Variants in OXNAD1 observed in about 807,000 individuals in gnomAD.
OXNAD1 encodes oxidoreductase NAD-binding domain-containing protein 1.
A neutral mutation model predicts 32.9 loss-of-function variants in OXNAD1; 34 were observed. That is an observed-to-expected ratio of 1.03 (90% CI 0.79 to 1.38). The LOEUF (loss-of-function observed/expected upper bound fraction) is 1.38, where lower values mean the gene tolerates loss of function less well. OXNAD1 is among the 40% of genes most tolerant of loss of function. OXNAD1 has a pLI of 0.00. For missense variants in OXNAD1, 407 were observed against 379.4 expected (o/e 1.07, Z -0.60); for synonymous variants, 134 against 135.2 (o/e 0.99, Z 0.06).
rs2066182014 is a variant in OXNAD1 at position 16,287,956 on chromosome 3, G to C, written c.290+1508G>C. Among the ~76,000 whole-genome samples the C allele has an allele frequency of 6.6e-6, 1 of 152,198 alleles. No homozygotes were observed. Among genetic ancestry groups the C allele is most frequent in the South Asian group, 2.1e-4 (1 of 4,832 alleles). On this transcript the variant is annotated intron_variant, in intron 5 of 8. Transcript: ENST00000285083. The surrounding 1 kb of genome is among the most constrained non-coding windows in gnomAD (Gnocchi z 4.8). Reference sequence around the variant, plus strand: ...CTTCTTCGGAGGTCGGACTTGGCGGGTAAGGATCACTGGCTGGTAGTGTGT... The same window carrying C: ...CTTCTTCGGAGGTCGGACTTGGCGGCTAAGGATCACTGGCTGGTAGTGTGT...
intron 9 of OXNAD1, chr3:16,347,480 A>C (rs1193019693): frequency 6.6e-6 from 1 of 152,240 alleles, no homozygotes; most frequent in South Asian, 2.1e-4. Flanking sequence ...TTCCAGCACT[A>C]GTGGCTGCTG....
intron 4 of OXNAD1, among the ~76,000 whole-genome samples, chr3:16,276,925 C>CTTT (rs201229589): frequency 7.5e-6 from 1 of 133,888 alleles, no homozygotes. Context: ...TTCTTTCTTT[C>CTTT]TTTTTTTTTT....
At position 16,329,869 on chromosome 3, in the gene OXNAD1, T is replaced by C. The variant is rs1034635407; in HGVS notation, c.*31-7243T>C. On this transcript the variant is annotated intron_variant, in intron 9 of 9. Transcript: ENST00000435829. This position sits in a 1 kb window ranked among gnomAD's most constrained non-coding sequence, Gnocchi z 4.5. ...CCCTGAGTGGCAGAATGGAGTCCTT[T>C]TATTGGTGGCTGCATCTCGGGCCAG... 6.6e-6 allele frequency among the ~76,000 whole-genome samples: 1 copy of C among 152,128 alleles called. No individual in the cohort carries two copies. Among genetic ancestry groups the C allele is most frequent in the Non-Finnish European group, 1.5e-5 (1 of 68,012 alleles).
chr3:16,266,516 T>C (rs1471357126), intron 1 of OXNAD1, among the ~76,000 whole-genome samples: 1 of 145,054 alleles, frequency 6.9e-6, no homozygotes, highest in East Asian at 2.0e-4. Context: ...GGCAGGAGAA[T>C]CTCTTGAACC....
rs2066370245 is a variant in OXNAD1, at chr3:16,290,660, A to G, written c.291-4196A>G. The stretch of plus-strand genomic sequence containing the variant: ...TAGTCTTTTAAATTTTTATCTTGTC[A>G]GAAATGAAAAGAAAGTTAAAGTACT... On this transcript the variant is annotated intron_variant, in intron 5 of 8. Transcript: ENST00000285083. This position sits in a 1 kb window ranked among gnomAD's most constrained non-coding sequence, Gnocchi z 4.2. Among the ~76,000 whole-genome samples, 1 of 152,236 alleles carries G rather than the reference A, an allele frequency of 6.6e-6. No homozygotes were observed. The highest frequency in any genetic ancestry group is 1.5e-5 in the Non-Finnish European group (1 of 68,044).
At chr3:16,323,997 G>A (rs2069385070) in intron 9 of OXNAD1, among the ~76,000 whole-genome samples, 1 of 152,186 alleles carries the variant, frequency 6.6e-6, no homozygotes, top group Admixed American at 6.5e-5. Context: ...GCTCACATGC[G>A]AGGGAGGGGC....
chr3:16,302,822 T>C lies in OXNAD1; in HGVS notation c.784+74T>C, dbSNP rs2125099173. 1 of 1,128,020 alleles carries C rather than the reference T, an allele frequency of 8.9e-7. No individual in the cohort carries two copies. The highest frequency in any genetic ancestry group is 1.3e-6 in the Non-Finnish European group (1 of 767,230). 69.9% of individuals were successfully genotyped at this position (1,128,020 alleles called of 1,614,324 possible). ...GACACACCAGTTGGTTGAGCGTAGA[T>C]GCTTTATTGTTGGAAGCTGCTGGCT... On this transcript the variant is annotated intron_variant, in intron 8 of 8. Transcript: ENST00000285083. This position sits in a 1 kb window ranked among gnomAD's most constrained non-coding sequence, Gnocchi z 4.2.
chr3:16,316,718 C>G lies in OXNAD1; in HGVS notation c.*30+13126C>G. 1 of 1,363,466 alleles carries G rather than the reference C, an allele frequency of 7.3e-7. No individual in the cohort carries two copies. The highest frequency in any genetic ancestry group is 1.0e-6 in the Non-Finnish European group (1 of 967,220). 84.5% of individuals were successfully genotyped at this position (1,363,466 alleles called of 1,614,324 possible). ...GCTCACAAGGAGAGGTCAAGCCAAG[C>G]CAAAGGGTAGGTAACACACAACACC... is the stretch of plus-strand genomic sequence containing the variant. On this transcript the variant is annotated intron_variant, in intron 9 of 9. Transcript: ENST00000435829. The surrounding 1 kb of genome is among the most constrained non-coding windows in gnomAD (Gnocchi z 4.5).
At chr3:16,350,651 A>G (rs2125317735), downstream of OXNAD1, among the ~76,000 whole-genome samples, 1 of 152,210 alleles carries the variant, frequency 6.6e-6, no homozygotes, top group East Asian at 1.9e-4. Context: ...CTTCCTCGTT[A>G]CTCACCTGTG....
intron 9 of OXNAD1, among the ~76,000 whole-genome samples, chr3:16,324,613 A>ACAC (rs1553718054): frequency 1.1e-5 from 1 of 90,800 alleles, no homozygotes; most frequent in East Asian, 3.4e-4. Flanking sequence ...AATGTCCCTG[A>ACAC]CCCCCCCCCT....
Position 16,300,904 on chromosome 3 carries a change from C to T in OXNAD1, c.433-722C>T, listed in dbSNP as rs114279643. On this transcript the variant is annotated intron_variant, in intron 6 of 8. Coordinates refer to ENST00000285083, the MANE Select transcript of OXNAD1 (RefSeq NM_138381.5). ...CAATAAAAAATGTCATCACAAGTTT[C>T]CCAAACACCTTCATCAGAAGCAGTA... 4.7e-3 allele frequency among the ~76,000 whole-genome samples: 710 copies of T among 152,284 alleles called. 3 individuals are homozygous for T. The highest frequency in any genetic ancestry group is 0.016 in the African/African-American group (663 of 41,556).
rs1559795763 is a variant in OXNAD1, at chr3:16,317,142, C to T, written c.*30+13550C>T. 1 of 1,613,640 alleles carries T rather than the reference C, an allele frequency of 6.2e-7. No homozygotes were observed. The highest frequency in any genetic ancestry group is 1.7e-5 in the Admixed American group (1 of 59,966). ...TCTTCTAAGTTCTTCTCATTTTCTT[C>T]TGCTTGTTGTTTGTCTCTGGCACTG... On this transcript the variant is annotated intron_variant, in intron 9 of 9. Coordinates refer to the OXNAD1 transcript ENST00000435829. The surrounding 1 kb of genome is among the most constrained non-coding windows in gnomAD (Gnocchi z 4.3).
rs1161375731 is a variant in OXNAD1 at position 16,303,438 on chromosome 3, A to G, written c.815A>G (p.Asp272Gly). The change falls in exon 9 of 9, where the codon GAT becomes GGT. Residue 272 changes from aspartate (D) to glycine (G), a missense_variant. Transcript: ENST00000285083. This position sits in a 1 kb window ranked among gnomAD's most constrained non-coding sequence, Gnocchi z 4.8. ...EGRITEKEIR[D>G]HISKETLFYI... ...AGAATAACGGAGAAGGAGATAAGAG[A>G]TCATATTTCAAAAGAGACTTTGTTC... 1 of 1,614,020 alleles carries G rather than the reference A, an allele frequency of 6.2e-7. No individual in the cohort carries two copies. Among genetic ancestry groups the G allele is most frequent in the Admixed American group, 1.7e-5 (1 of 60,014 alleles).
rs2067271319 is a variant in OXNAD1 at position 16,302,652 on chromosome 3, G to T, written c.688G>T (p.Asp230Tyr). Residue 230 changes from aspartate (D) to tyrosine (Y), a missense_variant, in exon 8 of 9, where the codon GAT (aspartate) becomes TAT (tyrosine). Asp to Tyr is a radical substitution (Grantham distance 160, BLOSUM62 -3). Coordinates refer to ENST00000285083, the MANE Select transcript of OXNAD1 (RefSeq NM_138381.5). This position sits in a 1 kb window ranked among gnomAD's most constrained non-coding sequence, Gnocchi z 4.2. ...SELLFKKNIL[D>Y]LVNEFPEKIA... ...TTTGACATTCCAGAAAAATATCCTT[G>T]ATTTAGTAAATGAATTTCCTGAGAA... 1 of 1,609,896 alleles carries T rather than the reference G, an allele frequency of 6.2e-7. No homozygotes were observed. The highest frequency in any genetic ancestry group is 8.5e-7 in the Non-Finnish European group (1 of 1,177,066).
intron 4 of OXNAD1, chr3:16,276,167 TC>T (rs2065303993): frequency 5.0e-6 from 1 of 200,520 alleles, no homozygotes; most frequent in Non-Finnish European, 1.0e-5. Flanking sequence ...TTTGTATACT[TC>T]TTGGTTTTAG....
rs757169463 is a variant in OXNAD1 at position 16,334,227 on chromosome 3, A to G, written c.*31-2885A>G. ...ACCCTGAGATACTATTTTTTCACCT[A>G]TTGAACTGGTAAAAACCCAAAAGTT... is the stretch of plus-strand genomic sequence containing the variant. On this transcript the variant is annotated intron_variant, in intron 9 of 9. Transcript: ENST00000435829. This position sits in a 1 kb window ranked among gnomAD's most constrained non-coding sequence, Gnocchi z 4.3. Among the ~76,000 whole-genome samples, 1 of 152,120 alleles carries G rather than the reference A, an allele frequency of 6.6e-6. No individual in the cohort carries two copies. The highest frequency in any genetic ancestry group is 1.5e-5 in the Non-Finnish European group (1 of 68,000).
At chr3:16,286,481 G>T in intron 5 of OXNAD1, 33 bp downstream of exon 5, 1 of 1,529,400 alleles carries the variant, frequency 6.5e-7, no homozygotes. Flanking sequence ...ATGTATGTAT[G>T]TTCAAGAAGG....
At chr3:16,294,213 T>G (rs1159285650) in intron 5 of OXNAD1, among the ~76,000 whole-genome samples, 2 of 152,032 alleles carry the variant, frequency 1.3e-5, no homozygotes, top group South Asian at 2.1e-4. Flanking sequence ...TTTTTTTTTT[T>G]TTTCTTGACA....
chr3:16,269,048 T>G, intron 1 of OXNAD1, 78 bp from the exon 2 acceptor site: 1 of 1,300,360 alleles, frequency 7.7e-7, no homozygotes, highest in Non-Finnish European at 9.9e-7. Context: ...AATGAGCCTT[T>G]CCTTTGGCAG....
Sources: gnomAD v4.1 joint callset for allele counts (sites outside exome capture counted in the v4.1 genomes callset) on GRCh38, gnomAD v4.1.1 for gene constraint, Gnocchi (gnomAD v3.1) non-coding constraint, MANE v1.5 for transcripts, NCBI Gene and HGNC (gene_info 2026-07-23, HGNC 2026-07-21) for gene names.